Variants in PDE3A observed in about 807,000 individuals in gnomAD.
PDE3A encodes the protein phosphodiesterase 3A.
PDE3A carries 43 observed loss-of-function variants against 98.3 expected under a neutral mutation model. The ratio of observed to expected loss-of-function variants is 0.44; its 90% CI spans 0.34 to 0.56. PDE3A has a LOEUF of 0.56. PDE3A is among the 20% of genes least tolerant of loss of function. The probability of loss-of-function intolerance (pLI) is 0.01; values close to 1 mark genes in which losing one functional copy is unlikely to be tolerated. For synonymous variants in PDE3A, 663 were observed against 567.9 expected (o/e 1.17, Z -2.38); for missense variants, 1,427 against 1,440.7 (o/e 0.99, Z 0.15).
intron 15 of PDE3A, among the ~76,000 whole-genome samples, chr12:20,670,871 A>G (rs1158987610): frequency 1.5e-5 from 2 of 135,374 alleles, no homozygotes; most frequent in South Asian, 2.5e-4. Flanking sequence ...AAGGAAATAG[A>G]GACACAAAAA....
At chr12:20,670,660 G>A (rs1250777075) in intron 15 of PDE3A, among the ~76,000 whole-genome samples, 1 of 147,408 alleles carries the variant, frequency 6.8e-6, no homozygotes, top group Non-Finnish European at 1.5e-5. Flanking sequence ...GGAGAACAAA[G>A]ACACAACATA....
chr12:20,449,110 T>C (rs1210090000), intron 1 of PDE3A, among the ~76,000 whole-genome samples: 1 of 152,196 alleles, frequency 6.6e-6, no homozygotes, highest in Non-Finnish European at 1.5e-5. Flanking sequence ...GCCAATGTGA[T>C]TTAGCCATTT....
intron 1 of PDE3A, among the ~76,000 whole-genome samples, chr12:20,456,940 T>A (rs1173217287): frequency 6.6e-6 from 1 of 152,154 alleles, no homozygotes; most frequent in African/African-American, 2.4e-5. Flanking sequence ...TCAAGTATCC[T>A]TAGCTTCTGC....
intron 1 of PDE3A, among the ~76,000 whole-genome samples, chr12:20,440,978 A>G (rs984398483): frequency 5.9e-5 from 9 of 152,200 alleles, no homozygotes; most frequent in African/African-American, 2.2e-4. Context: ...ATAAAACATT[A>G]TGTATCATAC....
chr12:20,386,233 T>TAAAA (rs200241644), intron 1 of PDE3A, among the ~76,000 whole-genome samples: 12,109 of 83,052 alleles, frequency 0.15, 1,172 homozygotes, highest in Non-Finnish European at 0.2. Flanking sequence ...AAAATAAAAA[T>TAAAA]ATAAATATAA....
intron 1 of PDE3A, among the ~76,000 whole-genome samples, chr12:20,465,128 C>T (rs536326068): frequency 1.1e-3 from 166 of 152,190 alleles, no homozygotes; most frequent in Non-Finnish European, 2.1e-4. Context: ...AATTCCAGGT[C>T]TAAGTTCATC....
At chr12:20,614,208 A>T (rs1943943717) in intron 3 of PDE3A, among the ~76,000 whole-genome samples, 1 of 152,218 alleles carries the variant, frequency 6.6e-6, no homozygotes, top group Admixed American at 6.5e-5. Context: ...TATTTAAAGT[A>T]AAATATATCC....
intron 2 of PDE3A, chr12:20,571,782 C>T: frequency 3.9e-6 from 1 of 255,626 alleles, no homozygotes; most frequent in Non-Finnish European, 6.2e-6. Context: ...ATTTTACATC[C>T]ATAATGCATT....
intron 1 of PDE3A, among the ~76,000 whole-genome samples, chr12:20,477,874 T>G (rs1229405628): frequency 6.6e-6 from 1 of 152,138 alleles, no homozygotes; most frequent in Non-Finnish European, 1.5e-5. Flanking sequence ...TGAAAAGTCT[T>G]CTCATGATTC....
At chr12:20,400,379 GTTTTTTTT>G (rs75851941) in intron 1 of PDE3A, among the ~76,000 whole-genome samples, 46 of 110,250 alleles carry the variant, frequency 4.2e-4, no homozygotes, top group African/African-American at 8.7e-4. Context: ...GTTAACATTG[GTTTTTTTT>G]TTTTTTTTTT....
intron 1 of PDE3A, among the ~76,000 whole-genome samples, chr12:20,544,139 A>G (rs1372804834): frequency 6.6e-6 from 1 of 150,442 alleles, no homozygotes; most frequent in Non-Finnish European, 1.5e-5. Flanking sequence ...ATGCTTACAT[A>G]GAGCATAAGA....
Position 20,385,627 on chromosome 12 carries a change from A to G in PDE3A, c.960+15383A>G, listed in dbSNP as rs1317138120. Among the ~76,000 whole-genome samples the G allele has an allele frequency of 5.9e-5, 9 of 151,966 alleles. No homozygotes were observed. In the South Asian group the frequency reaches 6.2e-4, roughly 11 times the overall value. ...TGCAGCCATAAAAAATGATGAGTTC[A>G]TATCCTTTGTAGGGACATGGATGAA... On this transcript the variant is annotated intron_variant, in intron 1 of 15. Coordinates refer to ENST00000359062, the MANE Select transcript of PDE3A (RefSeq NM_000921.5).
intron 9 of PDE3A, among the ~76,000 whole-genome samples, chr12:20,637,528 G>A (rs1248592549): frequency 2.0e-5 from 3 of 151,836 alleles, no homozygotes; most frequent in Non-Finnish European, 4.4e-5. Context: ...ATAGAATTAA[G>A]CAAAAGAAAA....
Position 20,552,004 on chromosome 12 carries a change from T to C in PDE3A, c.961-4656T>C. 30 of 1,612,492 alleles carry C rather than the reference T, an allele frequency of 1.9e-5. No homozygotes were observed. The highest frequency in any genetic ancestry group is 2.5e-5 in the Non-Finnish European group (30 of 1,179,876). On this transcript the variant is annotated intron_variant, in intron 1 of 15. Transcript: ENST00000359062. The surrounding 1 kb of genome is among the most constrained non-coding windows in gnomAD (Gnocchi z 5.1). ...TGGCCGGAGCAACGACGGAGCGTAC[T>C]CCCTAGTCCTGGCGGGGGGCTACGA... is the stretch of plus-strand genomic sequence containing the variant.
intron 1 of PDE3A, among the ~76,000 whole-genome samples, chr12:20,413,875 C>T (rs563610294): frequency 2.7e-4 from 41 of 152,080 alleles, no homozygotes; most frequent in Admixed American, 5.9e-4. Context: ...TGTGATGGTA[C>T]GGGAGAGTGA....
intron 15 of PDE3A, among the ~76,000 whole-genome samples, chr12:20,672,526 G>A (rs969887033): frequency 6.6e-6 from 1 of 151,764 alleles, no homozygotes; most frequent in Non-Finnish European, 1.5e-5. Context: ...ACAGAACAGA[G>A]CCCTCAGAAA....
At chr12:20,518,302 A>G (rs997342254) in intron 1 of PDE3A, among the ~76,000 whole-genome samples, 3 of 152,174 alleles carry the variant, frequency 2.0e-5, no homozygotes, top group Non-Finnish European at 4.4e-5. Flanking sequence ...TCTGTTTTTT[A>G]CAGCCTGAGA....
intron 1 of PDE3A, among the ~76,000 whole-genome samples, chr12:20,378,659 A>C (rs1943613704): frequency 6.6e-6 from 1 of 151,772 alleles, no homozygotes; most frequent in East Asian, 1.9e-4. Context: ...GTAAAAGCTG[A>C]CTTAATTTAG....
At chr12:20,420,286 C>T (rs1479915236) in intron 1 of PDE3A, among the ~76,000 whole-genome samples, 2 of 152,054 alleles carry the variant, frequency 1.3e-5, no homozygotes, top group African/African-American at 2.4e-5. Context: ...GGTAGGGACT[C>T]GCAGAAAACT....
Sources: allele counts gnomAD v4.1 joint callset (sites outside exome capture counted in the v4.1 genomes callset), GRCh38; gene constraint gnomAD v4.1.1; non-coding constraint Gnocchi (gnomAD v3.1); transcripts MANE v1.5; gene names NCBI Gene and HGNC (gene_info 2026-07-23, HGNC 2026-07-21).